Variants in ZFP37 observed in about 807,000 individuals in gnomAD.
ZFP37 encodes the protein ZFP37 zinc finger protein.
Under a neutral mutation model 52.1 loss-of-function variants are expected in ZFP37, and 38 were observed. The ratio of observed to expected loss-of-function variants is 0.73; its 90% CI spans 0.56 to 0.96. The LOEUF is 0.96. Ranked by LOEUF, ZFP37 falls within the 40% of genes least tolerant of loss-of-function variation. The pLI is 0.00. For missense variants in ZFP37, 695 were observed against 741.4 expected (o/e 0.94, Z 0.73); for synonymous variants, 253 against 259.5 (o/e 0.98, Z 0.24).
In ZFP37 at chr9:113,049,806, T is replaced by C; in HGVS notation, c.199A>G (p.Asn67Asp). ...YNDVMLENYC[N>D]QASMGCQAPK... is the part of the protein sequence containing the mutation. ...TTGTTCTTACCCATTGAGGCTTGGT[T>C]GCAGTAGTTCTCCAGCATCACATCA... Residue 67 changes from asparagine to aspartate, a missense_variant, in exon 2 of 4, where the codon AAC becomes GAC. This residue lies in a region of ZFP37 where 369 missense variants were observed against 340.9 expected (regional missense o/e 1.08). Transcript: ENST00000374227. The C allele has an allele frequency of 6.2e-7, 1 of 1,613,992 alleles. No homozygotes were observed. The highest frequency in any genetic ancestry group is 8.5e-7 in the Non-Finnish European group (1 of 1,179,916).
At position 113,038,763 on chromosome 9, in the gene ZFP37, T is replaced by C. The variant is rs1465539370; in HGVS notation, c.*3962A>G. 6.6e-6 allele frequency: 1 copy of C among 152,022 alleles called. No individual in the cohort carries two copies. The highest frequency in any genetic ancestry group is 1.5e-5 in the Non-Finnish European group (1 of 68,014). 9.4% of individuals were successfully genotyped at this position (152,022 alleles called of 1,614,324 possible). On this transcript the variant is annotated 3_prime_UTR_variant, in exon 4 of 4. Transcript: ENST00000374227. ...GCACTACTGCACACTCCAGTCTGGG[T>C]GACAGAGACTTTGTCTCAAAACAAA...
intron 3 of ZFP37, among the ~76,000 whole-genome samples, chr9:113,044,954 GCTTCCTAGTTC>G (rs1253394835): frequency 6.6e-6 from 1 of 151,680 alleles, no homozygotes; most frequent in Admixed American, 6.6e-5. Flanking sequence ...ATTCCCAATG[GCTTCCTAGTTC>G]CTTCCTAGTT....
chr9:113,055,969 G>A (rs1307486457), intron 1 of ZFP37, among the ~76,000 whole-genome samples: 1 of 151,730 alleles, frequency 6.6e-6, no homozygotes, highest in African/African-American at 2.4e-5. Flanking sequence ...ACCATCCCCA[G>A]AGACACCTCA....
At chr9:113,055,680 C>CA in intron 1 of ZFP37, among the ~76,000 whole-genome samples, 1 of 152,270 alleles carries the variant, frequency 6.6e-6, no homozygotes, top group East Asian at 1.9e-4. Context: ...TGGATCTCTG[C>CA]AAGTTCCCAA....
At position 113,056,629 on chromosome 9, in the gene ZFP37, T is replaced by A; in HGVS notation, c.60A>T (p.Arg20Ser). 6.2e-7 allele frequency: 1 copy of A among 1,613,970 alleles called. No individual in the cohort carries two copies. The change falls in exon 1 of 4, where the codon AGA (arginine) becomes AGT (serine). Residue 20 changes from arginine to serine, a missense_variant. Arg to Ser is a moderately radical substitution (Grantham distance 110, BLOSUM62 -1). Around this residue, in one of 2 missense-constraint regions of ZFP37, gnomAD observed 369 missense variants for 340.9 expected, o/e 1.08. Transcript: ENST00000374227. Reference protein sequence around the residue: ...LTKPETVDRRRSAETTKEAGR... With the variant: ...LTKPETVDRRSSAETTKEAGR... ...CGGCCTCTTTGGTCGTTTCCGCACTTCTCCTCCGGTCCACGGTCTCTGGCT... is the reference window on the plus strand; with the variant it reads ...CGGCCTCTTTGGTCGTTTCCGCACTACTCCTCCGGTCCACGGTCTCTGGCT...
At position 113,040,758 on chromosome 9, in the gene ZFP37, T is replaced by A. The variant is rs890601531; in HGVS notation, c.*1967A>T. ...CTGCTCATATGTTAGTTCTGAGGAA[T>A]AAATGAAATAATGTAGGGATTGTGC... On this transcript the variant is annotated 3_prime_UTR_variant, in exon 4 of 4. Coordinates refer to ENST00000374227, the MANE Select transcript of ZFP37 (RefSeq NM_003408.3). The A allele has an allele frequency of 1.3e-5, 2 of 152,182 alleles. No individual in the cohort carries two copies. The highest frequency in any genetic ancestry group is 4.8e-5 in the African/African-American group (2 of 41,460). 9.4% of individuals were successfully genotyped at this position (152,182 alleles called of 1,614,324 possible). A position where few individuals can be genotyped will look rare whatever the true frequency, so the allele number is the denominator to read the frequency against.
rs546813090 is a variant in ZFP37, at chr9:113,053,307, T to G, written c.132+3250A>C. Among the ~76,000 whole-genome samples the G allele has an allele frequency of 2.0e-4, 30 of 152,338 alleles. 1 individual carries two copies. Among genetic ancestry groups the G allele is most frequent in the Non-Finnish European group, 3.7e-4 (25 of 68,028 alleles). ...GTTCAGATTCCTTGTTCTAGCACCA[T>G]ACACAATCAATTAAAAACTATAAAG... On this transcript the variant is annotated intron_variant, in intron 1 of 3. Coordinates refer to ENST00000374227, the MANE Select transcript of ZFP37 (RefSeq NM_003408.3).
chr9:113,045,117 G>T (rs1440579690), intron 3 of ZFP37, among the ~76,000 whole-genome samples: 1 of 152,030 alleles, frequency 6.6e-6, no homozygotes. Context: ...AAAAAAGCCA[G>T]AAAAGAAAAA....
At chr9:113,054,115 A>G (rs894166661) in intron 1 of ZFP37, among the ~76,000 whole-genome samples, 13 of 152,160 alleles carry the variant, frequency 8.5e-5, no homozygotes, top group African/African-American at 2.2e-4. Flanking sequence ...CTTAACTCCA[A>G]TAAAAGAGTT....
intron 1 of ZFP37, 184 bp from the exon 2 acceptor site, chr9:113,050,056 T>C: frequency 2.0e-6 from 2 of 1,007,710 alleles, no homozygotes; most frequent in Non-Finnish European, 2.7e-6. Context: ...TACTCAATTT[T>C]TCATTATTTT....
At chr9:113,048,713 C>A (rs59852341) in intron 3 of ZFP37, among the ~76,000 whole-genome samples, 14,154 of 152,166 alleles carry the variant, frequency 0.093, 963 homozygotes, top group African/African-American at 0.2. Flanking sequence ...TTATACCTCC[C>A]AGCCCCTTCC....
In ZFP37 at chr9:113,040,863, T is replaced by A. The variant is rs142009338; in HGVS notation, c.*1862A>T. 1 of 152,172 alleles carries A rather than the reference T, an allele frequency of 6.6e-6. No homozygotes were observed. The highest frequency in any genetic ancestry group is 2.1e-4 in the South Asian group (1 of 4,834). The allele number at this position is 152,172 out of a possible 1,614,324, so 9.4% of individuals were successfully genotyped here. On this transcript the variant is annotated 3_prime_UTR_variant, in exon 4 of 4. Coordinates refer to ENST00000374227, the MANE Select transcript of ZFP37 (RefSeq NM_003408.3). ...TTAATATTGTATTAAAATAAAGGTA[T>A]GATGTTTTTGAAAACCATTTCTGTA... is the stretch of plus-strand genomic sequence containing the variant.
rs1304167946 is a variant in ZFP37 at position 113,042,863 on chromosome 9, T to C, written c.1755A>G (p.Lys585=). The change falls in exon 4 of 4, where the codon AAA becomes AAG. Residue 585 remains lysine, a synonymous_variant. Coordinates refer to ENST00000374227, the MANE Select transcript of ZFP37 (RefSeq NM_003408.3). ...ATCGCTGATGTATAACAAGCTGTGA[T>C]TTTGCATTAAAGGCTTTTTCACATT... The part of the protein sequence containing the change: ...CNECEKAFNA[K]SQLVIHQRSH... 2 of 1,613,850 alleles carry C rather than the reference T, an allele frequency of 1.2e-6. No homozygotes were observed. The highest frequency in any genetic ancestry group is 1.7e-6 in the Non-Finnish European group (2 of 1,179,894).
chr9:113,042,937 T>C lies in ZFP37; in HGVS notation c.1681A>G (p.Ile561Val). The C allele has an allele frequency of 1.9e-6, 3 of 1,613,902 alleles. 1 individual carries two copies. The highest frequency in any genetic ancestry group is 2.2e-5 in the South Asian group (2 of 91,056). ...CCAGTATGAGTTCTCTGATGTACAATGAGGTGAGACTTTTGGCTAAAGGCT... is the reference window on the plus strand; with the variant it reads ...CCAGTATGAGTTCTCTGATGTACAACGAGGTGAGACTTTTGGCTAAAGGCT... The part of the protein sequence containing the change: ...GKAFSQKSHL[I>V]VHQRTHTGEK... Residue 561 changes from isoleucine (I) to valine (V), a missense_variant, in exon 4 of 4, where the codon ATT becomes GTT. By Grantham distance (29) the Ile-to-Val change is conservative. Coordinates refer to ENST00000374227, the MANE Select transcript of ZFP37 (RefSeq NM_003408.3).
At position 113,043,847 on chromosome 9, in the gene ZFP37, T is replaced by C; in HGVS notation, c.771A>G (p.Ser257=). Residue 257 remains serine, a synonymous_variant, in exon 4 of 4, where the codon TCA becomes TCG. Coordinates refer to ENST00000374227, the MANE Select transcript of ZFP37 (RefSeq NM_003408.3). The part of the protein sequence containing the change: ...KKHDKLCCHS[S]SHIKQDKIQT... ...GAATTTTGTCCTGTTTAATATGGGATGAACTATGACAGCATAATTTGTCAT... is the reference window on the plus strand; with the variant it reads ...GAATTTTGTCCTGTTTAATATGGGACGAACTATGACAGCATAATTTGTCAT... 1 of 1,614,124 alleles carries C rather than the reference T, an allele frequency of 6.2e-7. No homozygotes were observed. The highest frequency in any genetic ancestry group is 8.5e-7 in the Non-Finnish European group (1 of 1,179,968).
chr9:113,042,624 T>A lies in ZFP37; in HGVS notation c.*101A>T. On this transcript the variant is annotated 3_prime_UTR_variant, in exon 4 of 4. Transcript: ENST00000374227. ...TCAAAGTTTCTCATGTACAACAAGGTGTGACATCTTGCTAAAGGCTTTCTA... is the reference window on the plus strand; with the variant it reads ...TCAAAGTTTCTCATGTACAACAAGGAGTGACATCTTGCTAAAGGCTTTCTA... 1 of 972,580 alleles carries A rather than the reference T, an allele frequency of 1.0e-6. No homozygotes were observed. The allele number at this position is 972,580 out of a possible 1,614,324, so 60.2% of individuals were successfully genotyped here.
At position 113,040,061 on chromosome 9, in the gene ZFP37, C is replaced by T. The variant is rs986477605; in HGVS notation, c.*2664G>A. On this transcript the variant is annotated 3_prime_UTR_variant, in exon 4 of 4. Transcript: ENST00000374227. Reference sequence around the variant, plus strand: ...CAATTTTTATGCACACTAGAGTTTACGTATCGATTCAGACTTACCACTGTG... The same window carrying T: ...CAATTTTTATGCACACTAGAGTTTATGTATCGATTCAGACTTACCACTGTG... The T allele has an allele frequency of 2.0e-5, 3 of 152,202 alleles. No individual in the cohort carries two copies. Among genetic ancestry groups the T allele is most frequent in the Admixed American group, 6.5e-5 (1 of 15,278 alleles). The allele number at this position is 152,202 out of a possible 1,614,324, so 9.4% of individuals were successfully genotyped here.
At position 113,056,658 on chromosome 9, in the gene ZFP37, T is replaced by A; in HGVS notation, c.31A>T (p.Thr11Ser). MSVSSGVQIL[T>S]KPETVDRRRS... ...CTCCGGTCCACGGTCTCTGGCTTTG[T>A]CAGAATCTGGACGCCGCTGGAGACC... The change falls in exon 1 of 4, where the codon ACA becomes TCA. Residue 11 changes from threonine to serine, a missense_variant. Transcript: ENST00000374227. 1 of 1,613,804 alleles carries A rather than the reference T, an allele frequency of 6.2e-7. No homozygotes were observed. The highest frequency in any genetic ancestry group is 8.5e-7 in the Non-Finnish European group (1 of 1,179,886).
rs1828872083 is a variant in ZFP37, at chr9:113,042,881, T to C, written c.1737A>G (p.Glu579=). 2 of 1,613,842 alleles carry C rather than the reference T, an allele frequency of 1.2e-6. No individual in the cohort carries two copies. Among genetic ancestry groups the C allele is most frequent in the Non-Finnish European group, 1.7e-6 (2 of 1,179,944 alleles). ...GEKPYECNEC[E]KAFNAKSQLV... is the part of the protein sequence containing the mutation. ...GCTGTGATTTTGCATTAAAGGCTTT[T>C]TCACATTCGTTACATTCATAAGGTT... is the stretch of plus-strand genomic sequence containing the variant. Residue 579 remains glutamate (E), a synonymous_variant, in exon 4 of 4, where the codon GAA becomes GAG. Transcript: ENST00000374227.
Sources: gnomAD v4.1 joint callset for allele counts (sites outside exome capture counted in the v4.1 genomes callset) on GRCh38, gnomAD v4.1.1 for gene constraint, gnomAD v4.1.1 regional missense constraint, MANE v1.5 for transcripts, NCBI Gene and HGNC (gene_info 2026-07-23, HGNC 2026-07-21) for gene names.